Variants in TTLL13 observed in about 807,000 individuals in gnomAD.
TTLL13 encodes the protein tubulin polyglutamylase TTLL13.
chr15:90,256,918 A>T, the TTLL13 span, among the ~76,000 whole-genome samples: 1 of 151,736 alleles, frequency 6.6e-6, no homozygotes, highest in East Asian at 2.0e-4. Flanking sequence ...GAACTCCTGA[A>T]CTCGTGATCC....
At chr15:90,253,292 G>C in the TTLL13 span, 1 of 1,613,880 alleles carries the variant, frequency 6.2e-7, no homozygotes, top group Non-Finnish European at 8.5e-7. Flanking sequence ...AGGTGGGGGA[G>C]GATGAAGAGT....
At chr15:90,257,899 TAAC>T in the TTLL13 span, 1 of 948,376 alleles carries the variant, frequency 1.1e-6, no homozygotes. Context: ...CTCACCCTGA[TAAC>T]TAGTCCCTGC....
chr15:90,265,388 C>G, the TTLL13 span: 3 of 1,243,322 alleles, frequency 2.4e-6, no homozygotes, highest in Admixed American at 4.2e-5. Flanking sequence ...ACCGAGGTGG[C>G]GGAGACAGGC....
the TTLL13 span, chr15:90,253,393 G>C: frequency 2.5e-6 from 4 of 1,574,724 alleles, no homozygotes; most frequent in Admixed American, 3.4e-5. Context: ...CCTGAGAGCC[G>C]ACAGGGGCTA....
chr15:90,256,411 C>G, the TTLL13 span: 1 of 1,328,998 alleles, frequency 7.5e-7, no homozygotes, highest in East Asian at 2.4e-5. Context: ...TCCCACTAGC[C>G]CCGTTTTCCT....
At chr15:90,256,598 TTTCTTTC>T in the TTLL13 span, among the ~76,000 whole-genome samples, 12 of 31,314 alleles carry the variant, frequency 3.8e-4, 1 homozygote, top group Non-Finnish European at 5.4e-4. Context: ...TCTTTCTTTC[TTTCTTTC>T]TTTCCTTCCT....
the TTLL13 span, chr15:90,257,093 A>T: frequency 6.3e-7 from 1 of 1,579,028 alleles, no homozygotes; most frequent in Non-Finnish European, 8.6e-7. Flanking sequence ...CATAGTAGGC[A>T]CTTCAAAAGT....
the TTLL13 span, chr15:90,255,785 A>G: frequency 6.2e-7 from 1 of 1,614,018 alleles, no homozygotes; most frequent in East Asian, 2.2e-5. Flanking sequence ...CATGACAGAA[A>G]TCTGCCGCAA....
At chr15:90,249,660 C>T in the TTLL13 span, 3 of 152,280 alleles carry the variant, frequency 2.0e-5, no homozygotes, top group African/African-American at 4.8e-5. Flanking sequence ...ACAGCCAGTC[C>T]TGTGAAACGA....
At chr15:90,258,720 T>C in the TTLL13 span, 10 of 1,603,656 alleles carry the variant, frequency 6.2e-6, no homozygotes. Flanking sequence ...GGGAAAGGGG[T>C]GTATAATGAC....
At chr15:90,264,841 G>C in the TTLL13 span, 3 of 1,536,084 alleles carry the variant, frequency 2.0e-6, no homozygotes, top group Non-Finnish European at 2.6e-6. Flanking sequence ...CTGACTCATG[G>C]ACTGAATGCA....
chr15:90,252,170 G>T, the TTLL13 span, among the ~76,000 whole-genome samples: 1 of 151,760 alleles, frequency 6.6e-6, no homozygotes. Flanking sequence ...CTCCCAAATA[G>T]CTGGGATTAC....
At chr15:90,262,072 G>A in the TTLL13 span, 1 of 1,536,028 alleles carries the variant, frequency 6.5e-7, no homozygotes, top group Non-Finnish European at 8.7e-7. Flanking sequence ...ATTCTCACCT[G>A]GGAAAATACC....
chr15:90,263,334 T>C, the TTLL13 span: 2 of 558,392 alleles, frequency 3.6e-6, no homozygotes, highest in Non-Finnish European at 6.2e-6. Context: ...CCAAGCTCCT[T>C]TGTTTTAGAT....
chr15:90,256,543 CTTT>C, the TTLL13 span, among the ~76,000 whole-genome samples: 3 of 141,100 alleles, frequency 2.1e-5, no homozygotes, highest in African/African-American at 7.8e-5. Context: ...TGTCTCCTTC[CTTT>C]TTCTTTCTTT....
the TTLL13 span, chr15:90,258,338 A>G: frequency 7.4e-7 from 1 of 1,351,466 alleles, no homozygotes; most frequent in Non-Finnish European, 1.1e-6. Context: ...CACCTGGGAC[A>G]GGGGTACACT....
chr15:90,256,557 CTTTCTT>C, the TTLL13 span, among the ~76,000 whole-genome samples: 3 of 37,446 alleles, frequency 8.0e-5, no homozygotes, highest in Non-Finnish European at 1.6e-4. Flanking sequence ...TTCTTTCTTT[CTTTCTT>C]TCTTTCTTTC....
chr15:90,251,509 C>A, the TTLL13 span: 9 of 1,566,490 alleles, frequency 5.7e-6, no homozygotes, highest in Non-Finnish European at 7.9e-6. Flanking sequence ...GAGTACCTGT[C>A]CTTCCCTCCC....
At chr15:90,252,831 C>T in the TTLL13 span, among the ~76,000 whole-genome samples, 5 of 152,140 alleles carry the variant, frequency 3.3e-5, no homozygotes, top group East Asian at 3.9e-4. Flanking sequence ...GGTAAAACCC[C>T]GTCTCTACTA....
Sources: allele counts gnomAD v4.1 joint callset (sites outside exome capture counted in the v4.1 genomes callset), GRCh38; gene constraint gnomAD v4.1.1; transcripts MANE v1.5; gene names NCBI Gene and HGNC (gene_info 2026-07-23, HGNC 2026-07-21).